PRKN: variants seen among roughly 807,000 people sequenced by gnomAD.
PRKN encodes parkin RBR E3 ubiquitin protein ligase.
A neutral mutation model predicts 59.5 loss-of-function variants in PRKN; 56 were observed. The ratio of observed to expected loss-of-function variants is 0.94; its 90% CI spans 0.76 to 1.18. The LOEUF is 1.18. Among genes scored for constraint, PRKN ranks in the 50% most tolerant of loss-of-function variants. The probability of loss-of-function intolerance (pLI) is 0.00; values close to 1 mark genes in which losing one functional copy is unlikely to be tolerated. For synonymous variants in PRKN, 250 were observed against 222.1 expected, an observed-to-expected ratio of 1.13 and a Z score of -1.12; for missense variants, 657 against 596.4, an observed-to-expected ratio of 1.10 and a Z score of -1.06.
intron 6 of PRKN, among the ~76,000 whole-genome samples, chr6:161,886,729 A>T (rs1795164421): frequency 8.6e-6 from 1 of 116,582 alleles, no homozygotes; most frequent in African/African-American, 3.3e-5. Context: ...AAAATAACAT[A>T]AAATAAAATA....
rs6929824 is a variant in PRKN, at chr6:162,295,411, G to T, written c.172-32646C>A. Among the ~76,000 whole-genome samples the T allele has an allele frequency of 4.2e-3, 633 of 152,142 alleles. 4 individuals are homozygous for T. The highest frequency in any genetic ancestry group is 0.015 in the African/African-American group (610 of 41,496). ...TTTATCAGTCTATATTTACACAAAA[G>T]GCCTGACATGGCTACACACAGGCCC... On this transcript the variant is annotated intron_variant, in intron 2 of 11. Coordinates refer to ENST00000366898, the MANE Select transcript of PRKN (RefSeq NM_004562.3).
At chr6:161,856,284 C>T (rs140521610) in intron 6 of PRKN, among the ~76,000 whole-genome samples, 2,297 of 152,028 alleles carry the variant, frequency 0.015, 22 homozygotes, top group Middle Eastern at 0.038. Context: ...CATTTGAACC[C>T]GGGAGGCGGA....
intron 4 of PRKN, among the ~76,000 whole-genome samples, chr6:162,153,280 C>A (rs747014836): frequency 3.3e-5 from 5 of 152,186 alleles, no homozygotes; most frequent in Non-Finnish European, 7.3e-5. Context: ...CCTGCTGTGG[C>A]GCACCCCTTG....
At chr6:162,354,418 T>C (rs962304504) in intron 2 of PRKN, among the ~76,000 whole-genome samples, 6 of 152,084 alleles carry the variant, frequency 3.9e-5, no homozygotes, top group Non-Finnish European at 7.4e-5. Flanking sequence ...TCAGGAACAA[T>C]GGGGAGATCA....
intron 4 of PRKN, among the ~76,000 whole-genome samples, chr6:162,160,544 G>T (rs1782708167): frequency 6.6e-6 from 1 of 152,094 alleles, no homozygotes; most frequent in Admixed American, 6.6e-5. Flanking sequence ...TTATAGCACT[G>T]TGTCAAACTA....
At position 161,795,344 on chromosome 6, in the gene PRKN, T is replaced by A. The variant is rs1339942938; in HGVS notation, c.735-9436A>T. The stretch of plus-strand genomic sequence containing the variant: ...GTCTCCCAGGTTCAAATGATTCTCA[T>A]GCCTCAGCCTCCCAAGTAGCTGGGA... On this transcript the variant is annotated intron_variant, in intron 6 of 11. Coordinates refer to ENST00000366898, the MANE Select transcript of PRKN (RefSeq NM_004562.3). 3.3e-5 allele frequency among the ~76,000 whole-genome samples: 5 copies of A among 151,162 alleles called. No homozygotes were observed. In the East Asian group the frequency reaches 9.8e-4, roughly 30 times the overall value.
intron 2 of PRKN, among the ~76,000 whole-genome samples, chr6:162,305,059 G>A (rs575930676): frequency 6.6e-5 from 10 of 152,226 alleles, no homozygotes; most frequent in African/African-American, 2.2e-4. Flanking sequence ...TAAGCACCAA[G>A]TTATGTATTA....
chr6:161,777,127 GAGA>G (rs1181245772), intron 7 of PRKN, among the ~76,000 whole-genome samples: 4 of 152,124 alleles, frequency 2.6e-5, no homozygotes, highest in Non-Finnish European at 4.4e-5. Flanking sequence ...TTATAAAAAT[GAGA>G]AGAATAACAA....
chr6:162,559,150 C>CA (rs67508754), intron 1 of PRKN, among the ~76,000 whole-genome samples: 1,251 of 102,122 alleles, frequency 0.012, 47 homozygotes, highest in African/African-American at 0.032. Flanking sequence ...GATTCCGTCT[C>CA]AAAAAAAAAA....
rs369796041 is a variant in PRKN, at chr6:161,757,799, T to C, written c.871+27973A>G. Among the ~76,000 whole-genome samples, 56 of 138,262 alleles carry C rather than the reference T, an allele frequency of 4.1e-4. 3 individuals are homozygous for C. In the South Asian group the frequency reaches 0.013, roughly 31 times the overall value. The allele number at this position is 138,262 out of a possible 152,430, so 90.7% of individuals were successfully genotyped here. On this transcript the variant is annotated intron_variant, in intron 7 of 11. Coordinates refer to ENST00000366898, the MANE Select transcript of PRKN (RefSeq NM_004562.3). ...GTTGCAGTTTGCTGAGATCGCACCA[T>C]TGCACTCCAGCCTGGGCAATAGAGC...
At chr6:162,483,936 T>G (rs2128183014) in intron 1 of PRKN, among the ~76,000 whole-genome samples, 1 of 152,336 alleles carries the variant, frequency 6.6e-6, no homozygotes, top group East Asian at 1.9e-4. Context: ...TTTAAGGGAA[T>G]ACCATACATT....
intron 4 of PRKN, among the ~76,000 whole-genome samples, chr6:162,198,869 A>T (rs191001374): frequency 9.3e-5 from 14 of 150,668 alleles, no homozygotes; most frequent in African/African-American, 3.4e-4. Context: ...TCCCCACAAC[A>T]CTCTATTTTG....
Position 162,458,444 on chromosome 6 carries a change from A to ATT in PRKN, c.8-14973_8-14972dup, listed in dbSNP as rs377109671. Among the ~76,000 whole-genome samples the ATT allele has an allele frequency of 1.6e-3, 224 of 139,300 alleles. 1 individual carries two copies. Among genetic ancestry groups the ATT allele is most frequent in the Middle Eastern group, 0.011 (3 of 270 alleles). 91.4% of individuals were successfully genotyped at this position (139,300 alleles called of 152,430 possible). Reference sequence around the variant, plus strand: ...TCCATCTCAAAAAAAAAAAAAAAAAATTTTTTTTAAATTAATAGAGGTTTG... The same window carrying ATT: ...TCCATCTCAAAAAAAAAAAAAAAAAATTTTTTTTTTAAATTAATAGAGGTTTG... On this transcript the variant is annotated intron_variant, in intron 1 of 11. Transcript: ENST00000366898.
At chr6:162,449,510 T>A (rs1196967738) in intron 1 of PRKN, among the ~76,000 whole-genome samples, 3 of 152,232 alleles carry the variant, frequency 2.0e-5, no homozygotes, top group African/African-American at 7.2e-5. Context: ...ATCTGCATTA[T>A]TACTAGCTAC....
At chr6:161,982,288 A>G (rs1781289620) in intron 5 of PRKN, among the ~76,000 whole-genome samples, 1 of 125,700 alleles carries the variant, frequency 8.0e-6, no homozygotes, top group South Asian at 2.1e-4. Flanking sequence ...TTCCATGCTC[A>G]TGGGTAGGAA....
intron 9 of PRKN, among the ~76,000 whole-genome samples, chr6:161,450,213 C>T (rs1001850408): frequency 6.6e-6 from 1 of 152,170 alleles, no homozygotes; most frequent in Non-Finnish European, 1.5e-5. Context: ...AGGACTTGCC[C>T]TGATTGCCAC....
intron 6 of PRKN, among the ~76,000 whole-genome samples, chr6:161,921,938 C>T (rs1158671591): frequency 6.6e-6 from 1 of 152,114 alleles, no homozygotes; most frequent in Non-Finnish European, 1.5e-5. Context: ...TTTCAATTAC[C>T]AGAGAAAGTG....
rs1791600680 is a variant in PRKN at position 161,485,370 on chromosome 6, G to C, written c.1083+63484C>G. On this transcript the variant is annotated intron_variant, in intron 9 of 11. Coordinates refer to ENST00000366898, the MANE Select transcript of PRKN (RefSeq NM_004562.3). ...TCTTTTGAAATAAAACCTGTGTCCT[G>C]TTTCCCTCTTCCTAATTCACCTTGC... 2.0e-5 allele frequency among the ~76,000 whole-genome samples: 3 copies of C among 152,142 alleles called. No homozygotes were observed. The South Asian group carries it at 6.2e-4, about 31-fold the overall frequency.
At chr6:161,771,333 G>C (rs1376040987) in intron 7 of PRKN, among the ~76,000 whole-genome samples, 1 of 135,826 alleles carries the variant, frequency 7.4e-6, no homozygotes, top group African/African-American at 2.7e-5. Flanking sequence ...TCCAGCTTGG[G>C]CGACAGAACA....
Sources: allele counts gnomAD v4.1 joint callset (sites outside exome capture counted in the v4.1 genomes callset), GRCh38; gene constraint gnomAD v4.1.1; transcripts MANE v1.5; gene names NCBI Gene and HGNC (gene_info 2026-07-23, HGNC 2026-07-21).